Variants in VPS13A observed in about 807,000 individuals in gnomAD.
VPS13A encodes the protein intermembrane lipid transfer protein VPS13A.
A neutral mutation model predicts 390.9 loss-of-function variants in VPS13A; 264 were observed. That is an observed-to-expected ratio of 0.68 (90% confidence interval 0.61 to 0.75). The LOEUF is 0.75. Ranked by LOEUF, VPS13A falls within the 30% of genes least tolerant of loss-of-function variation. VPS13A has a pLI of 0.00. For missense variants in VPS13A, 3,409 were observed against 3,733.9 expected, an observed-to-expected ratio of 0.91 and a Z score of 2.27; for synonymous variants, 1,231 against 1,227.1, an observed-to-expected ratio of 1.00 and a Z score of -0.07.
At position 77,276,042 on chromosome 9, in the gene VPS13A, TTTC is replaced by T. The variant is rs757898525; in HGVS notation, c.2668-20_2668-18del. 2.5e-6 allele frequency: 4 copies of T among 1,608,296 alleles called. No homozygotes were observed. The South Asian group carries it at 4.4e-5, about 18-fold the overall frequency. The stretch of plus-strand genomic sequence containing the variant: ...ATGTTTTTGTTTTATGTAGTGGTAA[TTTC>T]TTTTTTCTTTCTTCTCCAGGTTTTG... On this transcript the variant is annotated intron_variant, in intron 25 of 71. Coordinates refer to ENST00000360280, the MANE Select transcript of VPS13A (RefSeq NM_033305.3).
At chr9:77,188,055 C>A (rs966988871) in intron 1 of VPS13A, among the ~76,000 whole-genome samples, 19 of 152,138 alleles carry the variant, frequency 1.2e-4, no homozygotes, top group African/African-American at 4.6e-4. Flanking sequence ...GCTGTCCTTG[C>A]AATAGTTCTT....
chr9:77,377,214 T>G (rs1250618154), intron 67 of VPS13A, among the ~76,000 whole-genome samples: 79 of 124,392 alleles, frequency 6.4e-4, no homozygotes, highest in African/African-American at 2.2e-3. Flanking sequence ...TTTTTTTTTT[T>G]TTTTTTTTTT....
At chr9:77,373,847 A>G (rs1832929495) in intron 67 of VPS13A, among the ~76,000 whole-genome samples, 1 of 152,134 alleles carries the variant, frequency 6.6e-6, no homozygotes, top group Non-Finnish European at 1.5e-5. Flanking sequence ...GACACTTCTC[A>G]AAAGAAGACA....
intron 17 of VPS13A, among the ~76,000 whole-genome samples, chr9:77,229,453 CT>C (rs1278489934): frequency 1.3e-5 from 2 of 152,234 alleles, no homozygotes; most frequent in African/African-American, 4.8e-5. Flanking sequence ...TACCCAGCCC[CT>C]GGCAACAACT....
At chr9:77,407,383 T>C (rs1402034185) in intron 70 of VPS13A, 150 bp from the exon 71 acceptor site, 3 of 609,012 alleles carry the variant, frequency 4.9e-6, no homozygotes, top group Non-Finnish European at 8.7e-6. Flanking sequence ...GTTTTGATTC[T>C]TCTTGCTTCC....
intron 50 of VPS13A, among the ~76,000 whole-genome samples, chr9:77,342,995 A>G (rs1237376837): frequency 1.3e-5 from 2 of 152,178 alleles, no homozygotes; most frequent in Non-Finnish European, 1.5e-5. Flanking sequence ...TATGCTGAGC[A>G]CTGAGAGTAG....
chr9:77,228,341 G>A, intron 17 of VPS13A, 77 bp downstream of exon 17: 1 of 1,402,788 alleles, frequency 7.1e-7, no homozygotes, highest in Non-Finnish European at 9.7e-7. Flanking sequence ...CACAATCTTA[G>A]TCTTTTGTAA....
chr9:77,390,185 C>G (rs1833847443), intron 68 of VPS13A: 19 of 884,814 alleles, frequency 2.1e-5, no homozygotes, highest in Non-Finnish European at 2.6e-5. Context: ...TTGGACTTCA[C>G]TCTTCATTTT....
intron 1 of VPS13A, among the ~76,000 whole-genome samples, chr9:77,187,141 G>T (rs1824388039): frequency 1.3e-5 from 2 of 152,206 alleles, no homozygotes; most frequent in African/African-American, 4.8e-5. Context: ...TTGATGAATA[G>T]TTGGGCAGCT....
intron 34 of VPS13A, among the ~76,000 whole-genome samples, chr9:77,303,899 C>G (rs574199146): frequency 2.6e-5 from 4 of 152,056 alleles, no homozygotes; most frequent in South Asian, 2.1e-4. Context: ...GGTTTTATAC[C>G]GAGACATTCA....
intron 33 of VPS13A, among the ~76,000 whole-genome samples, chr9:77,299,108 A>G (rs1240152818): frequency 6.6e-6 from 1 of 152,004 alleles, no homozygotes; most frequent in Admixed American, 6.5e-5. Context: ...GTTCTTTTCC[A>G]TTGGTCTATA....
intron 68 of VPS13A, among the ~76,000 whole-genome samples, chr9:77,392,135 A>G (rs1833921234): frequency 6.6e-6 from 1 of 152,234 alleles, no homozygotes; most frequent in Non-Finnish European, 1.5e-5. Context: ...TGTAAAGAAC[A>G]TTAGGAATCA....
intron 19 of VPS13A, among the ~76,000 whole-genome samples, chr9:77,245,940 T>C (rs1166520920): frequency 6.6e-6 from 1 of 152,162 alleles, no homozygotes; most frequent in East Asian, 1.9e-4. Flanking sequence ...GGAGCCCACA[T>C]GTGCAGAGAT....
intron 68 of VPS13A, among the ~76,000 whole-genome samples, chr9:77,399,167 T>TAAAAAAAAAA (rs763173093): frequency 1.2e-4 from 10 of 86,126 alleles, no homozygotes; most frequent in African/African-American, 2.9e-4. Context: ...TAGAGTATAA[T>TAAAAAAAAAA]AAAAAAAAAA....
chr9:77,232,429 G>C (rs1823887316), intron 17 of VPS13A, among the ~76,000 whole-genome samples: 2 of 152,062 alleles, frequency 1.3e-5, no homozygotes, highest in Non-Finnish European at 1.5e-5. Context: ...CTAAATAGAT[G>C]CTTTTTCTGT....
At chr9:77,232,796 C>T (rs1219441490) in intron 17 of VPS13A, among the ~76,000 whole-genome samples, 1 of 152,108 alleles carries the variant, frequency 6.6e-6, no homozygotes, top group Non-Finnish European at 1.5e-5. Context: ...GATCCAGTTA[C>T]CTCCCATCAG....
At chr9:77,412,966 G>A (rs1835007350) in intron 71 of VPS13A, among the ~76,000 whole-genome samples, 1 of 151,788 alleles carries the variant, frequency 6.6e-6, no homozygotes, top group East Asian at 1.9e-4. Context: ...CAGACAGAGA[G>A]CCAAATCATG....
rs1408944587 is a variant in VPS13A at position 77,382,901 on chromosome 9, A to C, written c.9189+814A>C. The C allele has an allele frequency of 2.3e-5, 23 of 985,378 alleles. No homozygotes were observed. The South Asian group carries it at 1.0e-3, about 44-fold the overall frequency. 61.0% of individuals were successfully genotyped at this position (985,378 alleles called of 1,614,324 possible). A position where few individuals can be genotyped will look rare whatever the true frequency, so the allele number is the denominator to read the frequency against. Reference sequence around the variant, plus strand: ...GTAAATTCGACTTTTTAAAACCTGGATTATGCTGTAGGTAACTAGTAATCA... The same window carrying C: ...GTAAATTCGACTTTTTAAAACCTGGCTTATGCTGTAGGTAACTAGTAATCA... On this transcript the variant is annotated intron_variant, in intron 68 of 71. Coordinates refer to ENST00000360280, the MANE Select transcript of VPS13A (RefSeq NM_033305.3).
rs1835288312 is a variant in VPS13A, at chr9:77,419,765, C to G, written c.*3759C>G. 1 of 152,150 alleles carries G rather than the reference C, an allele frequency of 6.6e-6. No individual in the cohort carries two copies. The allele number at this position is 152,150 out of a possible 1,614,324, so 9.4% of individuals were successfully genotyped here. A position where few individuals can be genotyped will look rare whatever the true frequency, so the allele number is the denominator to read the frequency against. ...CACTAAGCATTTTACTATAATAGAA[C>G]TGGGGACATACATTGTCCTTTTGAG... On this transcript the variant is annotated 3_prime_UTR_variant, in exon 72 of 72. Coordinates refer to ENST00000360280, the MANE Select transcript of VPS13A (RefSeq NM_033305.3).
Sources: allele counts gnomAD v4.1 joint callset (sites outside exome capture counted in the v4.1 genomes callset), GRCh38; gene constraint gnomAD v4.1.1; transcripts MANE v1.5; gene names NCBI Gene and HGNC (gene_info 2026-07-23, HGNC 2026-07-21).